Variants in PCOLCE2 observed in about 807,000 individuals in gnomAD.
PCOLCE2 encodes the protein procollagen C-endopeptidase enhancer 2.
In PCOLCE2, 42 loss-of-function variants were observed where a neutral mutation model predicts 47.0. That is an observed-to-expected ratio of 0.89 (90% CI 0.70 to 1.16). PCOLCE2 has a LOEUF of 1.16. Ranked by LOEUF, PCOLCE2 falls within the 50% of genes most tolerant of loss-of-function variation. The pLI, the probability that PCOLCE2 is intolerant of heterozygous loss-of-function variation, is 0.00. For synonymous variants in PCOLCE2, 169 were observed against 191.7 expected, an observed-to-expected ratio of 0.88 and a Z score of 0.98; for missense variants, 500 against 526.1, an observed-to-expected ratio of 0.95 and a Z score of 0.49.
intron 2 of PCOLCE2, among the ~76,000 whole-genome samples, chr3:142,881,531 T>C (rs1933620014): frequency 6.6e-6 from 1 of 152,200 alleles, no homozygotes; most frequent in African/African-American, 2.4e-5. Context: ...ACAGAGTGCA[T>C]TTATACAAAC....
chr3:142,860,536 G>A (rs890578322), intron 2 of PCOLCE2, among the ~76,000 whole-genome samples: 4 of 152,170 alleles, frequency 2.6e-5, no homozygotes, highest in Admixed American at 6.5e-5. Flanking sequence ...AGCCCCCCAA[G>A]TAGCTGGGAT....
intron 2 of PCOLCE2, among the ~76,000 whole-genome samples, chr3:142,859,568 T>C (rs1181116528): frequency 6.6e-6 from 1 of 151,890 alleles, no homozygotes; most frequent in South Asian, 2.1e-4. Flanking sequence ...TTTCTTGTTT[T>C]TTTTTTTTGA....
At chr3:142,841,018 T>C (rs1179902340) in intron 4 of PCOLCE2, among the ~76,000 whole-genome samples, 2 of 146,876 alleles carry the variant, frequency 1.4e-5, no homozygotes, top group Admixed American at 7.0e-5. Flanking sequence ...GAAGTTGCAG[T>C]GAGCCGAAAT....
In PCOLCE2 at chr3:142,858,657, T is replaced by C. The variant is rs191927754; in HGVS notation, c.193-10185A>G. Among the ~76,000 whole-genome samples, 160 of 152,212 alleles carry C rather than the reference T, an allele frequency of 1.1e-3. 1 individual carries two copies. Among genetic ancestry groups the C allele is most frequent in the African/African-American group, 3.7e-3 (153 of 41,538 alleles). On this transcript the variant is annotated intron_variant, in intron 2 of 8. Coordinates refer to ENST00000295992, the MANE Select transcript of PCOLCE2 (RefSeq NM_013363.4). ...CATGTGAGAGATGGCACCAACAGTT[T>C]GTTCATATGCCCGTCCCAAGCAGTC...
At chr3:142,848,677 A>C (rs1937356462) in intron 2 of PCOLCE2, among the ~76,000 whole-genome samples, 1 of 152,314 alleles carries the variant, frequency 6.6e-6, no homozygotes, top group South Asian at 2.1e-4. Context: ...CAAATTCTGC[A>C]ATTCTCCAGG....
chr3:142,880,439 A>C (rs1351100614), intron 2 of PCOLCE2, among the ~76,000 whole-genome samples: 1 of 152,196 alleles, frequency 6.6e-6, no homozygotes. Flanking sequence ...TAATTAAGTG[A>C]CTTCAAAGTT....
chr3:142,864,578 G>A (rs959309098), intron 2 of PCOLCE2: 2 of 152,192 alleles, frequency 1.3e-5, no homozygotes, highest in African/African-American at 4.8e-5. Context: ...CTTAGAAAAT[G>A]TATGGAGTTG....
intron 2 of PCOLCE2, among the ~76,000 whole-genome samples, chr3:142,885,750 A>G (rs1933707686): frequency 6.6e-6 from 1 of 152,228 alleles, no homozygotes; most frequent in Non-Finnish European, 1.5e-5. Context: ...CCTACAGTTC[A>G]TCTTCCACGC....
intron 6 of PCOLCE2, chr3:142,827,373 C>T: frequency 1.3e-6 from 2 of 1,542,758 alleles, no homozygotes; most frequent in South Asian, 1.1e-5. Context: ...ACCACACCAA[C>T]CACAGCTCTG....
chr3:142,881,456 G>T (rs1933618431), intron 2 of PCOLCE2, among the ~76,000 whole-genome samples: 1 of 152,170 alleles, frequency 6.6e-6, no homozygotes, highest in South Asian at 2.1e-4. Context: ...ATACAGTCAT[G>T]CATTGTTTAA....
chr3:142,856,604 C>T (rs187294553), intron 2 of PCOLCE2, among the ~76,000 whole-genome samples: 19 of 152,272 alleles, frequency 1.2e-4, no homozygotes, highest in Admixed American at 9.2e-4. Flanking sequence ...ACAACAAAGC[C>T]GAACCCACAG....
At chr3:142,862,322 T>G (rs1301737589) in intron 2 of PCOLCE2, among the ~76,000 whole-genome samples, 1 of 152,206 alleles carries the variant, frequency 6.6e-6, no homozygotes, top group Non-Finnish European at 1.5e-5. Flanking sequence ...ATCGGCTTGT[T>G]TCCTACTGAC....
At chr3:142,831,770 A>G (rs971125046) in intron 5 of PCOLCE2, among the ~76,000 whole-genome samples, 1 of 152,228 alleles carries the variant, frequency 6.6e-6, no homozygotes, top group African/African-American at 2.4e-5. Flanking sequence ...CCTTCTAGAC[A>G]TGATGTTATA....
chr3:142,827,430 G>A lies in PCOLCE2; in HGVS notation c.865+2262C>T, dbSNP rs1937094597. 9.6e-6 allele frequency: 15 copies of A among 1,562,144 alleles called. No homozygotes were observed. In the South Asian group the frequency reaches 1.2e-4, roughly 13 times the overall value. On this transcript the variant is annotated intron_variant, in intron 6 of 8. Transcript: ENST00000295992. ...TTGGAGCCAGAGGGCAGCTTCACAC[G>A]GGTCTTCTTGGTCTCAGGGTTGTGG...
chr3:142,821,471 G>A lies in PCOLCE2; in HGVS notation c.950-426C>T, dbSNP rs73232723. Among the ~76,000 whole-genome samples the A allele has an allele frequency of 4.9e-3, 753 of 152,250 alleles. 1 individual carries two copies. Among genetic ancestry groups the A allele is most frequent in the Non-Finnish European group, 8.6e-3 (584 of 68,014 alleles). On this transcript the variant is annotated intron_variant, in intron 7 of 8. Coordinates refer to ENST00000295992, the MANE Select transcript of PCOLCE2 (RefSeq NM_013363.4). Reference sequence around the variant, plus strand: ...GGGGGTTTGGGCCACTAAGATGTGAGTCTTTGTGTCGGTGTGGGTGTGTAG... The same window carrying A: ...GGGGGTTTGGGCCACTAAGATGTGAATCTTTGTGTCGGTGTGGGTGTGTAG...
At chr3:142,819,404 T>C (rs1456896283) in intron 8 of PCOLCE2, among the ~76,000 whole-genome samples, 1 of 152,208 alleles carries the variant, frequency 6.6e-6, no homozygotes, top group East Asian at 1.9e-4. Flanking sequence ...GACCTTGTCA[T>C]CACAGTGGTC....
At chr3:142,833,218 T>C (rs1560131514) in intron 5 of PCOLCE2, among the ~76,000 whole-genome samples, 1 of 152,174 alleles carries the variant, frequency 6.6e-6, no homozygotes, top group Admixed American at 6.5e-5. Context: ...AGACAAGGTC[T>C]CACTCTGTCG....
At chr3:142,875,680 T>C (rs1462188724) in intron 2 of PCOLCE2, among the ~76,000 whole-genome samples, 1 of 152,062 alleles carries the variant, frequency 6.6e-6, no homozygotes, top group Admixed American at 6.5e-5. Context: ...ACAACAAAGG[T>C]TGCAGAGAGT....
At chr3:142,868,794 A>G (rs1032638686) in intron 2 of PCOLCE2, among the ~76,000 whole-genome samples, 11 of 152,194 alleles carry the variant, frequency 7.2e-5, no homozygotes, top group African/African-American at 2.7e-4. Context: ...TCCCTTGTCA[A>G]GTGTGTGCTC....
Sources: gnomAD v4.1 joint callset for allele counts (sites outside exome capture counted in the v4.1 genomes callset) on GRCh38, gnomAD v4.1.1 for gene constraint, MANE v1.5 for transcripts, NCBI Gene and HGNC (gene_info 2026-07-23, HGNC 2026-07-21) for gene names.